BICRA: variants seen among roughly 807,000 people sequenced by gnomAD.
BICRA encodes the protein BRD4 interacting chromatin remodeling complex associated protein, also known as BRD4-interacting chromatin-remodeling complex-associated protein.
In BICRA, 31 loss-of-function variants were observed where a neutral mutation model predicts 96.9. The ratio of observed to expected loss-of-function variants is 0.32; its 90% CI spans 0.24 to 0.43. The LOEUF (loss-of-function observed/expected upper bound fraction) is 0.43, where lower values mean the gene tolerates loss of function less well. Among genes scored for constraint, BICRA ranks in the 20% least tolerant of loss-of-function variants. The pLI, the probability that BICRA is intolerant of heterozygous loss-of-function variation, is 1.00. For synonymous variants in BICRA, 1,350 were observed against 1,071.8 expected (o/e 1.26, Z -5.07); for missense variants, 2,283 against 2,190.3 (o/e 1.04, Z -0.84).
intron 1 of BICRA, among the ~76,000 whole-genome samples, chr19:47,647,608 C>T (rs541594683): frequency 3.3e-5 from 5 of 152,194 alleles, no homozygotes; most frequent in African/African-American, 1.2e-4. Context: ...GGGCTCCTCT[C>T]TCTCCTTGGC....
At chr19:47,645,824 C>CAG (rs1972451097) in intron 1 of BICRA, among the ~76,000 whole-genome samples, 1 of 152,162 alleles carries the variant, frequency 6.6e-6, no homozygotes, top group Non-Finnish European at 1.5e-5. Flanking sequence ...ATTCCAGGTG[C>CAG]AGTGGCTCAC....
intron 1 of BICRA, among the ~76,000 whole-genome samples, chr19:47,630,896 C>A (rs989805710): frequency 2.0e-5 from 3 of 152,092 alleles, no homozygotes; most frequent in African/African-American, 7.2e-5. Flanking sequence ...ACATCCTTGC[C>A]AACACTTGTT....
chr19:47,653,206 A>G (rs575438463), intron 1 of BICRA, among the ~76,000 whole-genome samples: 154 of 151,916 alleles, frequency 1.0e-3, no homozygotes, highest in Non-Finnish European at 1.0e-3. Flanking sequence ...GTATTTTAGT[A>G]GAGATGGGGT....
chr19:47,622,225 A>G (rs1252194630), intron 1 of BICRA, among the ~76,000 whole-genome samples: 1 of 150,694 alleles, frequency 6.6e-6, no homozygotes, highest in African/African-American at 2.4e-5. Flanking sequence ...TGGCCTCCCA[A>G]AGTGCTGGAA....
In BICRA at chr19:47,699,249, C is replaced by A. The variant is rs1973401593; in HGVS notation, c.3493-54C>A. The A allele has an allele frequency of 1.9e-6, 2 of 1,065,096 alleles. No homozygotes were observed. Among genetic ancestry groups the A allele is most frequent in the African/African-American group, 1.6e-5 (1 of 63,930 alleles). The allele number at this position is 1,065,096 out of a possible 1,614,324, so 66.0% of individuals were successfully genotyped here. A position where few individuals can be genotyped will look rare whatever the true frequency, so the allele number is the denominator to read the frequency against. On this transcript the variant is annotated intron_variant, in intron 13 of 14. Transcript: ENST00000594866. This position sits in a 1 kb window ranked among gnomAD's most constrained non-coding sequence, Gnocchi z 5.0. ...GCACGCATCGTCCCCGTCGCTCGCG[C>A]CCCTTCCCCCTTCTTGCTGGTTCAC... is the stretch of plus-strand genomic sequence containing the variant.
intron 7 of BICRA, among the ~76,000 whole-genome samples, chr19:47,687,383 T>C (rs1474527507): frequency 6.6e-6 from 1 of 152,222 alleles, no homozygotes; most frequent in African/African-American, 2.4e-5. Context: ...AGTTTGCCTC[T>C]TTCTTTTGAT....
chr19:47,664,105 A>T (rs1382195953), intron 1 of BICRA, among the ~76,000 whole-genome samples: 1 of 152,204 alleles, frequency 6.6e-6, no homozygotes, highest in Non-Finnish European at 1.5e-5. Context: ...AGCAACAGAT[A>T]GACTTTGCCA....
intron 9 of BICRA, 48 bp downstream of exon 9, chr19:47,695,128 G>T: frequency 3.3e-6 from 4 of 1,219,070 alleles, no homozygotes; most frequent in South Asian, 1.5e-5. Flanking sequence ...GCCTGAAGAT[G>T]GGTGGGCGGG....
rs183945144 is a variant in BICRA, at chr19:47,685,953, T to G, written c.2283+3801T>G. Among the ~76,000 whole-genome samples, 39 of 151,944 alleles carry G rather than the reference T, an allele frequency of 2.6e-4. No homozygotes were observed. The Middle Eastern group carries it at 0.01, about 40-fold the overall frequency. The stretch of plus-strand genomic sequence containing the variant: ...CCACCCGGGATAAGAATTTGTTTTT[T>G]TTTTTTTTTCTCTGTCACCCAGGCT... On this transcript the variant is annotated intron_variant, in intron 7 of 14. Transcript: ENST00000594866.
chr19:47,645,653 A>G (rs2974247), intron 1 of BICRA, among the ~76,000 whole-genome samples: 31,353 of 152,238 alleles, frequency 0.21, 3,605 homozygotes, highest in Middle Eastern at 0.29. Context: ...AGATAACACA[A>G]AAGTAGCTTG....
chr19:47,621,940 C>T (rs2123511115), intron 1 of BICRA, among the ~76,000 whole-genome samples: 1 of 151,920 alleles, frequency 6.6e-6, no homozygotes, highest in East Asian at 1.9e-4. Context: ...TACAGGCGTG[C>T]ACCACCACCC....
intron 1 of BICRA, among the ~76,000 whole-genome samples, chr19:47,656,431 A>G (rs937676518): frequency 6.6e-6 from 1 of 152,210 alleles, no homozygotes; most frequent in African/African-American, 2.4e-5. Context: ...AAGGTTTTAT[A>G]TTGGTTGGTG....
intron 1 of BICRA, among the ~76,000 whole-genome samples, chr19:47,660,742 G>A (rs538008893): frequency 6.6e-6 from 1 of 152,286 alleles, no homozygotes; most frequent in South Asian, 2.1e-4. Context: ...GGCCAGGCTG[G>A]CATCATCATG....
At chr19:47,623,241 GA>G (rs1225841423) in intron 1 of BICRA, among the ~76,000 whole-genome samples, 1 of 152,080 alleles carries the variant, frequency 6.6e-6, no homozygotes, top group African/African-American at 2.4e-5. Flanking sequence ...TTGCTTTACA[GA>G]AAGGATACTG....
At chr19:47,635,397 G>A (rs1223682417) in intron 1 of BICRA, among the ~76,000 whole-genome samples, 1 of 151,940 alleles carries the variant, frequency 6.6e-6, no homozygotes, top group Non-Finnish European at 1.5e-5. Context: ...ACAGGAGCGT[G>A]CCACCACATG....
intron 6 of BICRA, 113 bp downstream of exon 6, chr19:47,681,389 G>T (rs954508538): frequency 8.5e-6 from 8 of 940,850 alleles, no homozygotes; most frequent in East Asian, 2.7e-5. Flanking sequence ...GGCAGCTGGG[G>T]GGGGAAGGTC....
At chr19:47,685,169 G>A (rs1350820146) in intron 7 of BICRA, among the ~76,000 whole-genome samples, 2 of 151,792 alleles carry the variant, frequency 1.3e-5, no homozygotes, top group Non-Finnish European at 2.9e-5. Context: ...TTTTGTGGGG[G>A]AGATATGGGG....
intron 1 of BICRA, among the ~76,000 whole-genome samples, chr19:47,633,086 T>C (rs1046139271): frequency 1.4e-5 from 2 of 143,576 alleles, no homozygotes; most frequent in African/African-American, 2.6e-5. Context: ...ATTTCTTTTT[T>C]TTTTTTTTTT....
chr19:47,651,055 T>G (rs903611862), intron 1 of BICRA, among the ~76,000 whole-genome samples: 2 of 152,136 alleles, frequency 1.3e-5, no homozygotes, highest in African/African-American at 4.8e-5. Context: ...GACTGCGCCT[T>G]GTCCCCTCCG....
Sources: gnomAD v4.1 joint callset for allele counts (sites outside exome capture counted in the v4.1 genomes callset) on GRCh38, gnomAD v4.1.1 for gene constraint, Gnocchi (gnomAD v3.1) non-coding constraint, MANE v1.5 for transcripts, NCBI Gene and HGNC (gene_info 2026-07-23, HGNC 2026-07-21) for gene names.